The following MYH11 variants were observed in gnomAD, a reference collection of about 807,000 sequenced individuals.
MYH11 encodes the protein myosin-11.
In MYH11, 80 loss-of-function variants were observed where a neutral mutation model predicts 246.6. The ratio of observed to expected loss-of-function variants is 0.32; its 90% CI spans 0.27 to 0.39. The LOEUF is 0.39. Ranked by LOEUF, MYH11 falls within the 10% of genes least tolerant of loss-of-function variation. MYH11 has a pLI of 1.00. For missense variants in MYH11, 2,158 were observed against 2,546.8 expected, an observed-to-expected ratio of 0.85 and a Z score of 3.29; for synonymous variants, 1,071 against 1,015.5, an observed-to-expected ratio of 1.05 and a Z score of -1.04.
At chr16:15,817,746 T>C (rs1453937107) in intron 3 of MYH11, among the ~76,000 whole-genome samples, 1 of 152,074 alleles carries the variant, frequency 6.6e-6, no homozygotes, top group Non-Finnish European at 1.5e-5. Context: ...CACAGTATAC[T>C]AGTCAACCCC....
intron 15 of MYH11, among the ~76,000 whole-genome samples, chr16:15,751,988 C>T (rs1256141560): frequency 6.6e-6 from 1 of 151,790 alleles, no homozygotes; most frequent in Non-Finnish European, 1.5e-5. Context: ...GATGGGGTTT[C>T]GCCACGTTGG....
chr16:15,718,625 G>A (rs986763461), intron 36 of MYH11, 187 bp from the exon 37 acceptor site: 3 of 852,308 alleles, frequency 3.5e-6, no homozygotes, highest in South Asian at 1.8e-5. Flanking sequence ...CTCAGGCCGG[G>A]TCCGTGTCAG....
At position 15,724,295 on chromosome 16, in the gene MYH11, TCTC is replaced by T. The variant is rs777403706; in HGVS notation, c.4228_4230del (p.Glu1410del). 5 of 1,614,036 alleles carry T rather than the reference TCTC, an allele frequency of 3.1e-6. No homozygotes were observed. The highest frequency in any genetic ancestry group is 1.1e-5 in the South Asian group (1 of 91,084). On this transcript the variant is annotated inframe_deletion, in exon 31 of 41. Coordinates refer to ENST00000300036, the MANE Select transcript of MYH11 (RefSeq NM_002474.3). ...TCCAGTTTATCATAAGCGGCCGCCT[TCTC>T]CTCGTACTGCTGGGTGAGGTTCTCG... is the stretch of plus-strand genomic sequence containing the variant.
intron 4 of MYH11, among the ~76,000 whole-genome samples, chr16:15,797,976 G>A (rs2042784915): frequency 6.6e-6 from 1 of 152,072 alleles, no homozygotes. Flanking sequence ...CTCAAGTGTT[G>A]GCTCATGTTT....
At chr16:15,760,290 G>A (rs2041839022) in intron 11 of MYH11, among the ~76,000 whole-genome samples, 1 of 152,096 alleles carries the variant, frequency 6.6e-6, no homozygotes, top group African/African-American at 2.4e-5. Flanking sequence ...ATGGATGGAT[G>A]GACAGATGGA....
rs572455483 is a variant in MYH11, at chr16:15,793,615, C to CTT, written c.530+5043_530+5044dup. On this transcript the variant is annotated intron_variant, in intron 4 of 40. Transcript: ENST00000300036. ...GCCAATTTTCAGTTTCTTTTCTTTT[C>CTT]TTTTTTTTTTTTTTTTTTTTTTGAG... Among the ~76,000 whole-genome samples the CTT allele has an allele frequency of 3.4e-3, 318 of 93,748 alleles. 2 individuals carry two copies. The highest frequency in any genetic ancestry group is 5.6e-3 in the African/African-American group (108 of 19,188). The allele number at this position is 93,748 out of a possible 152,430, so 61.5% of individuals were successfully genotyped here. A position where few individuals can be genotyped will look rare whatever the true frequency, so the allele number is the denominator to read the frequency against.
rs191590323 is a variant in MYH11, at chr16:15,709,204, G to T, written c.5787-5081C>A. Among the ~76,000 whole-genome samples the T allele has an allele frequency of 3.3e-3, 506 of 152,146 alleles. 2 individuals are homozygous for T. The highest frequency in any genetic ancestry group is 5.3e-3 in the Non-Finnish European group (362 of 67,994). On this transcript the variant is annotated intron_variant, in intron 40 of 40. Transcript: ENST00000300036. ...GATCTTCCTGCCTTGGCCTCCCAAG[G>T]TGCTGGGATTTGGGATTACAGGCAT... is the stretch of plus-strand genomic sequence containing the variant.
At chr16:15,711,155 C>T (rs57142950) in intron 40 of MYH11, 3,457 of 152,352 alleles carry the variant, frequency 0.023, 139 homozygotes, top group African/African-American at 0.079. Context: ...TGGTGCCCTG[C>T]GCCAGCTGCT....
At chr16:15,844,444 G>A (rs775961795) in intron 1 of MYH11, among the ~76,000 whole-genome samples, 77 of 152,192 alleles carry the variant, frequency 5.1e-4, no homozygotes, top group South Asian at 1.7e-3. Context: ...GTGATCTACC[G>A]GCCTTGGCCT....
rs190989651 is a variant in MYH11, at chr16:15,728,729, G to A, written c.3652-1675C>T. Among the ~76,000 whole-genome samples, 598 of 151,806 alleles carry A rather than the reference G, an allele frequency of 3.9e-3. 2 individuals are homozygous for A. Among genetic ancestry groups the A allele is most frequent in the Non-Finnish European group, 6.2e-3 (419 of 67,896 alleles). On this transcript the variant is annotated intron_variant, in intron 27 of 40. Coordinates refer to ENST00000300036, the MANE Select transcript of MYH11 (RefSeq NM_002474.3). ...AGCCTGGCCAACATGGTGAAACCCC[G>A]TCTCTACTAAAAATATAAAAATTAG...
chr16:15,851,504 G>C (rs927790557), intron 1 of MYH11, among the ~76,000 whole-genome samples: 1 of 152,088 alleles, frequency 6.6e-6, no homozygotes. Context: ...GTACAATCCA[G>C]AATCTAATCC....
At chr16:15,823,901 AT>A (rs1464298548) in intron 2 of MYH11, among the ~76,000 whole-genome samples, 2 of 152,156 alleles carry the variant, frequency 1.3e-5, no homozygotes, top group African/African-American at 4.8e-5. Flanking sequence ...CACTGGGATT[AT>A]AGTTGTGAGC....
At position 15,715,100 on chromosome 16, in the gene MYH11, G is replaced by C. The variant is rs778353252; in HGVS notation, c.5614-19C>G. The C allele has an allele frequency of 3.7e-6, 6 of 1,612,356 alleles. No homozygotes were observed. In the African/African-American group the frequency reaches 6.7e-5, roughly 18 times the overall value. On this transcript the variant is annotated intron_variant, in intron 39 of 40. Coordinates refer to ENST00000300036, the MANE Select transcript of MYH11 (RefSeq NM_002474.3). ...TCTCTGCCTGTCGCGGAGAGTTGGA[G>C]GGGTGGTTAGGGGAGGCCGGCTGGG...
intron 30 of MYH11, 44 bp from the exon 31 acceptor site, chr16:15,724,453 G>T: frequency 6.2e-7 from 1 of 1,611,192 alleles, no homozygotes. Context: ...GGGACCATGA[G>T]TGGCCCCTGT....
rs1432127297 is a variant in MYH11 at position 15,703,860 on chromosome 16, A to T, written c.*131T>A. 1 of 1,277,322 alleles carries T rather than the reference A, an allele frequency of 7.8e-7. No homozygotes were observed. The highest frequency in any genetic ancestry group is 1.1e-6 in the Non-Finnish European group (1 of 883,706). 79.1% of individuals were successfully genotyped at this position (1,277,322 alleles called of 1,614,324 possible). ...GGGTGTCTGTGATATTTGGAATTTG[A>T]GAATGGATTTAGACAATGCTAAGTA... On this transcript the variant is annotated 3_prime_UTR_variant, in exon 41 of 41. Coordinates refer to ENST00000300036, the MANE Select transcript of MYH11 (RefSeq NM_002474.3).
intron 16 of MYH11, chr16:15,749,583 C>A: frequency 6.3e-6 from 1 of 157,616 alleles, no homozygotes; most frequent in African/African-American, 2.4e-5. Flanking sequence ...TACCTCTCCC[C>A]GTGTCTCCCA....
At chr16:15,714,421 C>A in intron 40 of MYH11, 1 of 190,816 alleles carries the variant, frequency 5.2e-6, no homozygotes, top group Non-Finnish European at 1.1e-5. Context: ...TGCTACTTTT[C>A]AGGGATCTTT....
At chr16:15,781,463 A>C (rs764630062) in intron 6 of MYH11, among the ~76,000 whole-genome samples, 1 of 152,194 alleles carries the variant, frequency 6.6e-6, no homozygotes, top group Non-Finnish European at 1.5e-5. Flanking sequence ...ACAGGGCCCC[A>C]TCTCAGCGAG....
At chr16:15,811,338 C>T (rs535200981) in intron 3 of MYH11, among the ~76,000 whole-genome samples, 21 of 152,186 alleles carry the variant, frequency 1.4e-4, no homozygotes, top group African/African-American at 7.2e-5. Flanking sequence ...TTTCCTCTTC[C>T]GTTATATGGG....
Sources: gnomAD v4.1 joint callset for allele counts (sites outside exome capture counted in the v4.1 genomes callset) on GRCh38, gnomAD v4.1.1 for gene constraint, MANE v1.5 for transcripts, NCBI Gene and HGNC (gene_info 2026-07-23, HGNC 2026-07-21) for gene names.